The following DERA variants were observed in gnomAD, a reference collection of about 807,000 sequenced individuals.
DERA encodes 2-deoxy-D-ribose 5-phosphate aldolase.
In DERA, 15 loss-of-function variants were observed where a neutral mutation model predicts 41.1. The ratio of observed to expected loss-of-function variants is 0.37; its 90% confidence interval spans 0.24 to 0.56. The LOEUF is 0.56. DERA is among the 20% of genes least tolerant of loss of function. The probability of loss-of-function intolerance (pLI) is 0.81; values close to 1 mark genes in which losing one functional copy is unlikely to be tolerated. For missense variants in DERA, 396 were observed against 403.4 expected (o/e 0.98, Z 0.16); for synonymous variants, 139 against 137.4 (o/e 1.01, Z -0.08).
Position 15,935,329 on chromosome 12 carries a change from A to T in DERA, c.32-21607A>T, listed in dbSNP as rs1476472956. 7.9e-5 allele frequency among the ~76,000 whole-genome samples: 12 copies of T among 152,080 alleles called. No individual in the cohort carries two copies. On this transcript the variant is annotated intron_variant, in intron 1 of 8. Transcript: ENST00000428559. The surrounding 1 kb of genome is among the most constrained non-coding windows in gnomAD (Gnocchi z 4.8). ...TGGCAAAACCCTGTCTCTACAAAAAATATAAAAATTAGCCAGGTGTGGTGG... is the reference window on the plus strand; with the variant it reads ...TGGCAAAACCCTGTCTCTACAAAAATTATAAAAATTAGCCAGGTGTGGTGG...
rs543507945 is a variant in DERA, at chr12:15,931,952, A to G, written c.31+20538A>G. 9.6e-4 allele frequency among the ~76,000 whole-genome samples: 146 copies of G among 152,190 alleles called. 1 individual carries two copies. The highest frequency in any genetic ancestry group is 1.5e-3 in the Non-Finnish European group (105 of 67,998). ...TCCGCTTCCCCTTTGACCTTTTGCCATGTTATGACTCAGCAGAAAAGCCCT... is the reference window on the plus strand; with the variant it reads ...TCCGCTTCCCCTTTGACCTTTTGCCGTGTTATGACTCAGCAGAAAAGCCCT... On this transcript the variant is annotated intron_variant, in intron 1 of 8. Coordinates refer to ENST00000428559, the MANE Select transcript of DERA (RefSeq NM_015954.4). The surrounding 1 kb of genome is among the most constrained non-coding windows in gnomAD (Gnocchi z 4.6).
At chr12:15,926,498 A>G (rs1475488451) in intron 1 of DERA, among the ~76,000 whole-genome samples, 1 of 152,108 alleles carries the variant, frequency 6.6e-6, no homozygotes. Context: ...GCACTTTGGG[A>G]GGCCGAGGCG....
In DERA at chr12:15,993,978, A is replaced by G. The variant is rs193258306; in HGVS notation, c.637+11542A>G. Among the ~76,000 whole-genome samples the G allele has an allele frequency of 6.8e-4, 104 of 152,360 alleles. No individual in the cohort carries two copies. Among genetic ancestry groups the G allele is most frequent in the African/African-American group, 2.4e-3 (99 of 41,582 alleles). On this transcript the variant is annotated intron_variant, in intron 6 of 8. Transcript: ENST00000428559. The surrounding 1 kb of genome is among the most constrained non-coding windows in gnomAD (Gnocchi z 4.4). ...GTTTCTTCATGGTTGGGCTTCTGTG[A>G]AGAAAGAAAAAGAGAGAAAAGAAAA...
At chr12:16,033,624 T>TGTGTGTGTGTGTGTG (rs58693292) in intron 7 of DERA, among the ~76,000 whole-genome samples, 3 of 150,454 alleles carry the variant, frequency 2.0e-5, no homozygotes, top group Non-Finnish European at 1.5e-5. Flanking sequence ...TGTGTGTGTG[T>TGTGTGTGTGTGTGTG]TTAATGACAC....
chr12:16,035,830 ACT>A lies in DERA; in HGVS notation c.751-399_751-398del, dbSNP rs757621020. 3.3e-4 allele frequency among the ~76,000 whole-genome samples: 50 copies of A among 152,070 alleles called. No individual in the cohort carries two copies. The highest frequency in any genetic ancestry group is 6.2e-4 in the Non-Finnish European group (42 of 68,030). ...ACCTCAAGATGAAGGCTGAGAAGTG[ACT>A]CTACAGGCTTACTTGTGGAAATGTA... On this transcript the variant is annotated intron_variant, in intron 7 of 8. Transcript: ENST00000428559. This position sits in a 1 kb window ranked among gnomAD's most constrained non-coding sequence, Gnocchi z 4.1.
intron 6 of DERA, among the ~76,000 whole-genome samples, chr12:16,029,875 T>A (rs1426565048): frequency 6.7e-6 from 1 of 148,488 alleles, no homozygotes; most frequent in East Asian, 2.1e-4. Context: ...TTTTAAGAGA[T>A]CATGCCTTGT....
chr12:15,917,684 G>A (rs542076890), intron 1 of DERA, among the ~76,000 whole-genome samples: 2 of 152,286 alleles, frequency 1.3e-5, no homozygotes, highest in Non-Finnish European at 2.9e-5. Flanking sequence ...TACACCAACG[G>A]TCCCGGACCT....
rs1948860307 is a variant in DERA at position 15,999,425 on chromosome 12, C to CA, written c.637+16990dup. Among the ~76,000 whole-genome samples the CA allele has an allele frequency of 1.3e-5, 2 of 152,246 alleles. No homozygotes were observed. The highest frequency in any genetic ancestry group is 4.1e-4 in the South Asian group (2 of 4,820). On this transcript the variant is annotated intron_variant, in intron 6 of 8. Transcript: ENST00000428559. This position sits in a 1 kb window ranked among gnomAD's most constrained non-coding sequence, Gnocchi z 5.3. The stretch of plus-strand genomic sequence containing the variant: ...TTTGGGAAAGCAGGTGATGTGGGGA[C>CA]ACGTTTTCCAAGCACTTCAGGAACA...
Position 15,989,523 on chromosome 12 carries a change from T to C in DERA, c.637+7087T>C, listed in dbSNP as rs1331122605. On this transcript the variant is annotated intron_variant, in intron 6 of 8. Transcript: ENST00000428559. This position sits in a 1 kb window ranked among gnomAD's most constrained non-coding sequence, Gnocchi z 5.2. ...ATTTAAAGCCTTATGTGCTAATTTGTACAGCTGGGTTATTTCAAGGGTCTG... is the reference window on the plus strand; with the variant it reads ...ATTTAAAGCCTTATGTGCTAATTTGCACAGCTGGGTTATTTCAAGGGTCTG... 2.0e-5 allele frequency among the ~76,000 whole-genome samples: 3 copies of C among 152,254 alleles called. No individual in the cohort carries two copies. The highest frequency in any genetic ancestry group is 7.2e-5 in the African/African-American group (3 of 41,474).
rs547400373 is a variant in DERA at position 15,919,041 on chromosome 12, C to T, written c.31+7627C>T. On this transcript the variant is annotated intron_variant, in intron 1 of 8. Coordinates refer to ENST00000428559, the MANE Select transcript of DERA (RefSeq NM_015954.4). ...CATACACAGAGTCAATAATTATGTA[C>T]ATTTTAGATTTTAACTGGGGCATCC... Among the ~76,000 whole-genome samples, 3 of 152,178 alleles carry T rather than the reference C, an allele frequency of 2.0e-5. No homozygotes were observed. In the South Asian group the frequency reaches 6.2e-4, roughly 32 times the overall value.
At chr12:15,923,122 A>C (rs1948257117) in intron 1 of DERA, among the ~76,000 whole-genome samples, 1 of 138,798 alleles carries the variant, frequency 7.2e-6, no homozygotes, top group African/African-American at 2.7e-5. Flanking sequence ...TCCCGGGTTC[A>C]CGCCATTCTC....
intron 6 of DERA, among the ~76,000 whole-genome samples, chr12:15,986,654 A>G (rs1052916284): frequency 6.6e-6 from 1 of 152,184 alleles, no homozygotes; most frequent in Non-Finnish European, 1.5e-5. Flanking sequence ...TTTTCTATAT[A>G]TATTACAAAC....
chr12:15,944,398 C>G lies in DERA; in HGVS notation c.32-12538C>G, dbSNP rs1433075545. Among the ~76,000 whole-genome samples the G allele has an allele frequency of 2.0e-5, 3 of 152,122 alleles. No homozygotes were observed. In the East Asian group the frequency reaches 5.8e-4, roughly 29 times the overall value. On this transcript the variant is annotated intron_variant, in intron 1 of 8. Coordinates refer to ENST00000428559, the MANE Select transcript of DERA (RefSeq NM_015954.4). Reference sequence around the variant, plus strand: ...CATCCTCTCCAGCACCTGTTGTTTCCTGACTTTTTAATGATTGCCCTTCTA... The same window carrying G: ...CATCCTCTCCAGCACCTGTTGTTTCGTGACTTTTTAATGATTGCCCTTCTA...
Position 16,036,159 on chromosome 12 carries a change from AT to A in DERA, c.751-72del. On this transcript the variant is annotated intron_variant, in intron 7 of 8. Transcript: ENST00000428559. The surrounding 1 kb of genome is among the most constrained non-coding windows in gnomAD (Gnocchi z 4.9). The stretch of plus-strand genomic sequence containing the variant: ...AGGGAGAGAGAGAATCAAGACTCTG[AT>A]AAACATAGTACTATTTTTAAAAGAA... The A allele has an allele frequency of 7.8e-7, 1 of 1,290,192 alleles. No homozygotes were observed. Among genetic ancestry groups the A allele is most frequent in the Non-Finnish European group, 1.0e-6 (1 of 988,790 alleles). The allele number at this position is 1,290,192 out of a possible 1,614,324, so 79.9% of individuals were successfully genotyped here.
At position 15,929,809 on chromosome 12, in the gene DERA, G is replaced by A. The variant is rs75742998; in HGVS notation, c.31+18395G>A. ...TGAAAACTTAGCTCACTTCAGTTTC[G>A]AAGGATGACCCTGTATCCCAGTTAG... On this transcript the variant is annotated intron_variant, in intron 1 of 8. Transcript: ENST00000428559. 2.3e-3 allele frequency among the ~76,000 whole-genome samples: 348 copies of A among 152,140 alleles called. 2 individuals are homozygous for A. The highest frequency in any genetic ancestry group is 0.014 in the East Asian group (72 of 5,172).
chr12:16,011,958 G>A lies in DERA; in HGVS notation c.638-20584G>A, dbSNP rs1388459309. 2.0e-5 allele frequency among the ~76,000 whole-genome samples: 3 copies of A among 152,102 alleles called. No homozygotes were observed. The highest frequency in any genetic ancestry group is 7.2e-5 in the African/African-American group (3 of 41,424). ...GGCTCTCTAAAAAACAGAGGATAAT[G>A]TGATAGAGACAGATAAAGAATTTTT... On this transcript the variant is annotated intron_variant, in intron 6 of 8. Transcript: ENST00000428559. This position sits in a 1 kb window ranked among gnomAD's most constrained non-coding sequence, Gnocchi z 4.7.
rs1948759701 is a variant in DERA at position 15,985,694 on chromosome 12, A to G, written c.637+3258A>G. 6.6e-6 allele frequency among the ~76,000 whole-genome samples: 1 copy of G among 151,474 alleles called. No individual in the cohort carries two copies. Among genetic ancestry groups the G allele is most frequent in the South Asian group, 2.1e-4 (1 of 4,798 alleles). On this transcript the variant is annotated intron_variant, in intron 6 of 8. Transcript: ENST00000428559. This position sits in a 1 kb window ranked among gnomAD's most constrained non-coding sequence, Gnocchi z 4.2. The stretch of plus-strand genomic sequence containing the variant: ...TATTTTGTGCTTTTATGGATATCCT[A>G]TTGTTGCTTTATAATTTAAGATTTT...
intron 1 of DERA, among the ~76,000 whole-genome samples, chr12:15,945,508 C>T (rs1379463512): frequency 6.6e-6 from 1 of 152,122 alleles, no homozygotes; most frequent in African/African-American, 2.4e-5. Flanking sequence ...AATGGGAGTT[C>T]ACTCATGATT....
At position 16,036,603 on chromosome 12, in the gene DERA, CTATT is replaced by C. The variant is rs551627538; in HGVS notation, c.901-82_901-79del. ...CTTTCTAATGAAATGTTCATTAAAA[CTATT>C]TATTATTATTTGATAGTATAATTAT... is the stretch of plus-strand genomic sequence containing the variant. On this transcript the variant is annotated intron_variant, in intron 8 of 8. Transcript: ENST00000428559. The surrounding 1 kb of genome is among the most constrained non-coding windows in gnomAD (Gnocchi z 4.9). The C allele has an allele frequency of 2.5e-4, 272 of 1,106,532 alleles. 3 individuals are homozygous for C. In the South Asian group the frequency reaches 3.5e-3, roughly 14 times the overall value. The allele number at this position is 1,106,532 out of a possible 1,614,324, so 68.5% of individuals were successfully genotyped here. A position where few individuals can be genotyped will look rare whatever the true frequency, so the allele number is the denominator to read the frequency against.
Sources: allele counts gnomAD v4.1 joint callset (sites outside exome capture counted in the v4.1 genomes callset), GRCh38; gene constraint gnomAD v4.1.1; non-coding constraint Gnocchi (gnomAD v3.1); transcripts MANE v1.5; gene names NCBI Gene and HGNC (gene_info 2026-07-23, HGNC 2026-07-21).